The following ALK variants were observed in gnomAD, a reference collection of about 807,000 sequenced individuals.
ALK encodes the protein ALK receptor tyrosine kinase.
ALK carries 74 observed loss-of-function variants against 163.1 expected under a neutral mutation model. That is an observed-to-expected ratio of 0.45 (90% confidence interval 0.38 to 0.55). The LOEUF is 0.55. Ranked by LOEUF, ALK falls within the 20% of genes least tolerant of loss-of-function variation. The probability of loss-of-function intolerance (pLI) is 0.00; values close to 1 mark genes in which losing one functional copy is unlikely to be tolerated. For synonymous variants in ALK, 960 were observed against 843.2 expected (o/e 1.14, Z -2.40); for missense variants, 2,063 against 2,105.3 (o/e 0.98, Z 0.39).
At chr2:29,317,121 T>C (rs892092557) in intron 8 of ALK, among the ~76,000 whole-genome samples, 1 of 152,218 alleles carries the variant, frequency 6.6e-6, no homozygotes, top group African/African-American at 2.4e-5. Context: ...GGCAATCCTG[T>C]TGTCTGTCCC....
At chr2:29,553,122 G>A (rs1673758590) in intron 3 of ALK, among the ~76,000 whole-genome samples, 1 of 152,140 alleles carries the variant, frequency 6.6e-6, no homozygotes. Context: ...AACTCATGTT[G>A]AAACTTTATT....
At chr2:29,906,748 C>T (rs1392572081) in intron 1 of ALK, among the ~76,000 whole-genome samples, 1 of 152,136 alleles carries the variant, frequency 6.6e-6, no homozygotes, top group Non-Finnish European at 1.5e-5. Flanking sequence ...AAAACTACCA[C>T]ATTATAGTGA....
At chr2:29,259,103 C>A (rs1308914838) in intron 11 of ALK, among the ~76,000 whole-genome samples, 1 of 152,058 alleles carries the variant, frequency 6.6e-6, no homozygotes, top group Admixed American at 6.6e-5. Flanking sequence ...ATCTGCATTT[C>A]TTTTTTCACA....
intron 3 of ALK, among the ~76,000 whole-genome samples, chr2:29,543,763 T>C (rs952280084): frequency 4.2e-4 from 64 of 152,228 alleles, no homozygotes; most frequent in African/African-American, 1.3e-3. Context: ...TGTTTTTCCA[T>C]GGACAGCTTC....
chr2:29,427,663 GA>G (rs374169978), intron 4 of ALK, among the ~76,000 whole-genome samples: 14,021 of 151,782 alleles, frequency 0.092, 856 homozygotes, highest in Non-Finnish European at 0.14. Flanking sequence ...GAGACATATA[GA>G]AAAAAATGAG....
intron 4 of ALK, among the ~76,000 whole-genome samples, chr2:29,482,828 G>A (rs1324862481): frequency 4.6e-5 from 7 of 152,242 alleles, no homozygotes; most frequent in African/African-American, 1.4e-4. Context: ...CTTCCATGAC[G>A]ACTACATGGA....
At chr2:29,831,873 A>C (rs1252896630) in intron 1 of ALK, among the ~76,000 whole-genome samples, 3 of 152,236 alleles carry the variant, frequency 2.0e-5, no homozygotes. Context: ...GTTAATGGCC[A>C]ATATCTCCTG....
chr2:29,771,914 A>G (rs905157591), intron 1 of ALK, among the ~76,000 whole-genome samples: 1 of 152,306 alleles, frequency 6.6e-6, no homozygotes, highest in East Asian at 1.9e-4. Flanking sequence ...CAGGGCCTCA[A>G]ATGTCTTATC....
chr2:29,575,246 C>T lies in ALK; in HGVS notation c.953-43130G>A, dbSNP rs56014111. ...GAGGACACCAGCAATGTAAAAATTA[C>T]CCTGAAGAAAACTGCCAAAAATAAT... On this transcript the variant is annotated intron_variant, in intron 3 of 28. Transcript: ENST00000389048. Among the ~76,000 whole-genome samples the T allele has an allele frequency of 1.4e-3, 208 of 152,258 alleles. 1 individual carries two copies. Among genetic ancestry groups the T allele is most frequent in the African/African-American group, 4.6e-3 (191 of 41,526 alleles).
At chr2:29,872,601 T>C (rs1666608757) in intron 1 of ALK, among the ~76,000 whole-genome samples, 2 of 152,328 alleles carry the variant, frequency 1.3e-5, no homozygotes, top group South Asian at 2.1e-4. Flanking sequence ...TGTTCGCTGC[T>C]GCTGCCCAGC....
At chr2:29,511,710 A>G (rs1191322737) in intron 4 of ALK, among the ~76,000 whole-genome samples, 1 of 152,188 alleles carries the variant, frequency 6.6e-6, no homozygotes, top group African/African-American at 2.4e-5. Flanking sequence ...TTTTAAAGAA[A>G]TGTTCCAATT....
chr2:29,501,729 G>T (rs1297653656), intron 4 of ALK, among the ~76,000 whole-genome samples: 1 of 152,088 alleles, frequency 6.6e-6, no homozygotes, highest in African/African-American at 2.4e-5. Flanking sequence ...ACCATTTAAA[G>T]TATACAGTTT....
At chr2:29,375,782 G>A (rs1668739629) in intron 5 of ALK, among the ~76,000 whole-genome samples, 1 of 152,154 alleles carries the variant, frequency 6.6e-6, no homozygotes, top group Non-Finnish European at 1.5e-5. Flanking sequence ...TGCTCATTCT[G>A]TGGTCTTTCT....
intron 4 of ALK, among the ~76,000 whole-genome samples, chr2:29,407,304 C>T (rs1669609502): frequency 6.6e-6 from 1 of 152,232 alleles, no homozygotes; most frequent in African/African-American, 2.4e-5. Context: ...GAAGACCTGA[C>T]TTTCTAATTC....
intron 1 of ALK, among the ~76,000 whole-genome samples, chr2:29,915,098 A>G (rs1472424835): frequency 6.6e-6 from 1 of 152,258 alleles, no homozygotes; most frequent in Non-Finnish European, 1.5e-5. Context: ...TTTCCTTTAC[A>G]GGTCAGACTG....
chr2:29,627,774 TTCA>T (rs1676239041), intron 3 of ALK, among the ~76,000 whole-genome samples: 1 of 152,226 alleles, frequency 6.6e-6, no homozygotes, highest in Non-Finnish European at 1.5e-5. Flanking sequence ...TGTTAAACAA[TTCA>T]TCTTTCTGTC....
At chr2:29,358,742 A>C (rs1486434206) in intron 5 of ALK, among the ~76,000 whole-genome samples, 1 of 152,106 alleles carries the variant, frequency 6.6e-6, no homozygotes, top group Non-Finnish European at 1.5e-5. Context: ...GCAGGCACTG[A>C]TATATTTTCT....
At chr2:29,403,455 T>A (rs936514914) in intron 4 of ALK, among the ~76,000 whole-genome samples, 2 of 152,146 alleles carry the variant, frequency 1.3e-5, no homozygotes, top group African/African-American at 4.8e-5. Flanking sequence ...GAGGGTCTTT[T>A]TATTCTAAGT....
chr2:29,861,266 G>A (rs79495281), intron 1 of ALK, among the ~76,000 whole-genome samples: 5,527 of 152,196 alleles, frequency 0.036, 134 homozygotes, highest in Middle Eastern at 0.068. Flanking sequence ...AACTAAGCCC[G>A]AAGTTAGCAG....
Sources: gnomAD v4.1 joint callset for allele counts (sites outside exome capture counted in the v4.1 genomes callset) on GRCh38, gnomAD v4.1.1 for gene constraint, MANE v1.5 for transcripts, NCBI Gene and HGNC (gene_info 2026-07-23, HGNC 2026-07-21) for gene names.